METTL8: variants seen among roughly 807,000 people sequenced by gnomAD.
METTL8 encodes methyltransferase 8, tRNA N3-cytidine.
METTL8 carries 32 observed loss-of-function variants against 48.7 expected under a neutral mutation model. The observed-to-expected ratio is 0.66, with a 90% confidence interval of 0.50 to 0.88. The LOEUF (loss-of-function observed/expected upper bound fraction) is 0.88. Ranked by LOEUF, METTL8 falls within the 40% of genes least tolerant of loss-of-function variation. METTL8 has a pLI of 0.00. For missense variants in METTL8, 464 were observed against 474.4 expected, an observed-to-expected ratio of 0.98 and a Z score of 0.20; for synonymous variants, 136 against 157.1, an observed-to-expected ratio of 0.87 and a Z score of 1.01.
At chr2:171,338,458 C>T (rs530351304) in intron 4 of METTL8, among the ~76,000 whole-genome samples, 3 of 151,602 alleles carry the variant, frequency 2.0e-5, no homozygotes, top group African/African-American at 7.3e-5. Context: ...GCCAACGTGG[C>T]GAAACCCTGT....
chr2:171,421,695 A>T lies in METTL8; in HGVS notation c.-13+12188T>A, dbSNP rs576064964. ...CTTATATGAGGATTTTTTTAACCAA[A>T]CTCAGATTGAAAATACAGTATTTGG... On this transcript the variant is annotated intron_variant, in intron 1 of 9. Coordinates refer to ENST00000375258, the MANE Select transcript of METTL8 (RefSeq NM_001321154.2). Among the ~76,000 whole-genome samples, 3 of 152,294 alleles carry T rather than the reference A, an allele frequency of 2.0e-5. No homozygotes were observed. The South Asian group carries it at 6.2e-4, about 32-fold the overall frequency.
At chr2:171,352,954 GT>G (rs1371680191) in intron 3 of METTL8, among the ~76,000 whole-genome samples, 1 of 152,060 alleles carries the variant, frequency 6.6e-6, no homozygotes, top group Non-Finnish European at 1.5e-5. Context: ...AGGGTTTTTT[GT>G]GTCTCTATCT....
At chr2:171,427,683 T>A (rs980810687) in intron 1 of METTL8, among the ~76,000 whole-genome samples, 3 of 152,224 alleles carry the variant, frequency 2.0e-5, no homozygotes, top group African/African-American at 7.2e-5. Flanking sequence ...CCCTGACCAC[T>A]CTGGCTAAAG....
At chr2:171,391,005 A>G (rs751383969) in intron 2 of METTL8, among the ~76,000 whole-genome samples, 1 of 152,236 alleles carries the variant, frequency 6.6e-6, no homozygotes, top group Non-Finnish European at 1.5e-5. Context: ...AAACAGCATC[A>G]CATGCTACAG....
chr2:171,345,181 A>G (rs765615350), intron 3 of METTL8, among the ~76,000 whole-genome samples: 3 of 152,296 alleles, frequency 2.0e-5, no homozygotes, highest in Non-Finnish European at 4.4e-5. Context: ...CAACTTCTCA[A>G]TTATTCACTT....
chr2:171,354,453 C>T (rs1457443865), intron 3 of METTL8, among the ~76,000 whole-genome samples: 3 of 152,004 alleles, frequency 2.0e-5, no homozygotes, highest in Non-Finnish European at 2.9e-5. Flanking sequence ...TTGCTCTTCT[C>T]GAGGAGTATC....
chr2:171,382,062 A>G (rs766000802), intron 2 of METTL8, among the ~76,000 whole-genome samples: 3 of 152,066 alleles, frequency 2.0e-5, no homozygotes, highest in Admixed American at 6.6e-5. Flanking sequence ...GATTACAGGC[A>G]TGAGCCACCG....
chr2:171,379,853 AT>A (rs1295307789), intron 2 of METTL8, among the ~76,000 whole-genome samples: 1 of 152,228 alleles, frequency 6.6e-6, no homozygotes, highest in East Asian at 1.9e-4. Context: ...TTCTGAAACT[AT>A]TACAAACAAT....
chr2:171,316,539 G>A lies in METTL8; in HGVS notation c.*7633C>T, dbSNP rs1279628185. On this transcript the variant is annotated 3_prime_UTR_variant, in exon 10 of 10. Coordinates refer to ENST00000375258, the MANE Select transcript of METTL8 (RefSeq NM_001321154.2). ...TCTCACTAATCTCCAGAGCCCAGGT[G>A]TTCTATTAAGAAACAAAGCTGCAAA... Among the ~76,000 whole-genome samples, 1 of 152,196 alleles carries A rather than the reference G, an allele frequency of 6.6e-6. No homozygotes were observed. Among genetic ancestry groups the A allele is most frequent in the Non-Finnish European group, 1.5e-5 (1 of 68,032 alleles).
intron 1 of METTL8, among the ~76,000 whole-genome samples, chr2:171,406,129 T>C (rs1441913321): frequency 6.6e-6 from 1 of 152,136 alleles, no homozygotes; most frequent in East Asian, 1.9e-4. Context: ...AAGCCAGAGG[T>C]GAACATATAC....
intron 1 of METTL8, among the ~76,000 whole-genome samples, chr2:171,417,649 T>C (rs1316322714): frequency 6.6e-6 from 1 of 152,226 alleles, no homozygotes; most frequent in East Asian, 1.9e-4. Flanking sequence ...TCTTCTTAAT[T>C]ACTAAGTTGT....
intron 3 of METTL8, among the ~76,000 whole-genome samples, chr2:171,347,533 CA>C (rs1426639575): frequency 1.3e-5 from 2 of 151,850 alleles, no homozygotes; most frequent in African/African-American, 2.4e-5. Flanking sequence ...CAAAATAGGG[CA>C]AAAAAATCCT....
intron 1 of METTL8, among the ~76,000 whole-genome samples, chr2:171,426,899 A>T (rs1692475855): frequency 6.6e-6 from 1 of 152,198 alleles, no homozygotes; most frequent in Admixed American, 6.5e-5. Flanking sequence ...TTTCCATCAC[A>T]TTTCCACAGT....
intron 7 of METTL8, among the ~76,000 whole-genome samples, chr2:171,326,677 T>C (rs886112149): frequency 5.9e-5 from 9 of 152,092 alleles, no homozygotes; most frequent in Non-Finnish European, 1.2e-4. Flanking sequence ...GTCCTCTCCA[T>C]GTGGCCATAA....
At chr2:171,339,905 T>C (rs190052331) in intron 3 of METTL8, among the ~76,000 whole-genome samples, 3 of 152,138 alleles carry the variant, frequency 2.0e-5, no homozygotes, top group Admixed American at 6.5e-5. Context: ...TTTTTTATTA[T>C]CTTAAAGAAA....
At position 171,419,635 on chromosome 2, in the gene METTL8, C is replaced by G. The variant is rs76663194; in HGVS notation, c.-13+14248G>C. ...TTACGGTCTCATTTCCAAAGTTACT[C>G]AGGTCAACACCTTTTCTCTGGCCCC... On this transcript the variant is annotated intron_variant, in intron 1 of 9. Coordinates refer to ENST00000375258, the MANE Select transcript of METTL8 (RefSeq NM_001321154.2). 1.5e-3 allele frequency among the ~76,000 whole-genome samples: 222 copies of G among 152,246 alleles called. 4 individuals are homozygous for G. The East Asian group carries it at 0.016, about 11-fold the overall frequency.
chr2:171,356,138 G>C (rs557466794), intron 3 of METTL8, among the ~76,000 whole-genome samples: 1 of 152,160 alleles, frequency 6.6e-6, no homozygotes. Flanking sequence ...CTTCATGCTA[G>C]AAACATTTAT....
chr2:171,345,161 C>T (rs898574498), intron 3 of METTL8, among the ~76,000 whole-genome samples: 5 of 152,050 alleles, frequency 3.3e-5, no homozygotes, highest in African/African-American at 1.2e-4. Context: ...TTAACTACAG[C>T]CCAATGAAGC....
intron 1 of METTL8, among the ~76,000 whole-genome samples, chr2:171,415,343 C>T (rs995854136): frequency 3.4e-5 from 5 of 146,332 alleles, no homozygotes; most frequent in Non-Finnish European, 3.0e-5. Flanking sequence ...TAATATATCT[C>T]GAAATCTTTT....
Sources: gnomAD v4.1 joint callset for allele counts (sites outside exome capture counted in the v4.1 genomes callset) on GRCh38, gnomAD v4.1.1 for gene constraint, MANE v1.5 for transcripts, NCBI Gene and HGNC (gene_info 2026-07-23, HGNC 2026-07-21) for gene names.